The following DTNBP1 variants were observed in gnomAD, a reference collection of about 807,000 sequenced individuals.
DTNBP1 encodes dysbindin.
DTNBP1 carries 35 observed loss-of-function variants against 42.8 expected under a neutral mutation model. The ratio of observed to expected loss-of-function variants is 0.82; its 90% CI spans 0.63 to 1.09. DTNBP1 has a LOEUF of 1.09. DTNBP1 is among the 50% of genes least tolerant of loss of function. The probability of loss-of-function intolerance (pLI) is 0.00; values close to 1 mark genes in which losing one functional copy is unlikely to be tolerated. For missense variants in DTNBP1, 457 were observed against 424.2 expected (o/e 1.08, Z -0.68); for synonymous variants, 171 against 162.2 (o/e 1.05, Z -0.41).
At chr6:15,559,871 A>G (rs1433105235) in intron 7 of DTNBP1, among the ~76,000 whole-genome samples, 1 of 152,198 alleles carries the variant, frequency 6.6e-6, no homozygotes, top group Non-Finnish European at 1.5e-5. Context: ...TTTTGCAGGG[A>G]AAACACTCCC....
At chr6:15,599,244 T>C (rs1279037278) in intron 6 of DTNBP1, among the ~76,000 whole-genome samples, 1 of 152,228 alleles carries the variant, frequency 6.6e-6, no homozygotes, top group Non-Finnish European at 1.5e-5. Context: ...GGGATATTTA[T>C]TGAGTTCCTA....
intron 6 of DTNBP1, among the ~76,000 whole-genome samples, chr6:15,608,414 T>G (rs1402939781): frequency 2.0e-5 from 3 of 152,194 alleles, no homozygotes; most frequent in Non-Finnish European, 4.4e-5. Flanking sequence ...AGACAATGCA[T>G]TAGCTTCATT....
chr6:15,538,397 C>CTCTG (rs1561944182), intron 7 of DTNBP1, among the ~76,000 whole-genome samples: 1 of 152,320 alleles, frequency 6.6e-6, no homozygotes, highest in African/African-American at 2.4e-5. Context: ...GGTGCCTGAA[C>CTCTG]TCTGGCAATG....
intron 5 of DTNBP1, among the ~76,000 whole-genome samples, chr6:15,621,056 T>C (rs1759014815): frequency 6.6e-6 from 1 of 152,230 alleles, no homozygotes; most frequent in African/African-American, 2.4e-5. Flanking sequence ...ATGATCATGA[T>C]GTAAACAAGA....
At chr6:15,599,221 G>A (rs1359660160) in intron 6 of DTNBP1, among the ~76,000 whole-genome samples, 1 of 152,200 alleles carries the variant, frequency 6.6e-6, no homozygotes, top group African/African-American at 2.4e-5. Context: ...AAGGAAAGAT[G>A]AGACAGGGGT....
In DTNBP1 at chr6:15,531,140, C is replaced by T. The variant is rs370590836; in HGVS notation, c.667+2100G>A. ...TATAAGCAAGGAAGAGAGCCCTCATCAGAAACCGATCGCGCCAGCATGCTG... is the reference window on the plus strand; with the variant it reads ...TATAAGCAAGGAAGAGAGCCCTCATTAGAAACCGATCGCGCCAGCATGCTG... On this transcript the variant is annotated intron_variant, in intron 8 of 9. Coordinates refer to ENST00000344537, the MANE Select transcript of DTNBP1 (RefSeq NM_032122.5). 7.2e-5 allele frequency among the ~76,000 whole-genome samples: 11 copies of T among 152,302 alleles called. No homozygotes were observed. The East Asian group carries it at 2.1e-3, about 29-fold the overall frequency.
At position 15,587,671 on chromosome 6, in the gene DTNBP1, TGTGA is replaced by T. The variant is rs1776135474; in HGVS notation, c.511+5384_511+5387del. ...CTTTTCAAAAAATAGTTCTAAGGCT[TGTGA>T]GGGAGACTTCGGGCATGGTGCAGCC... On this transcript the variant is annotated intron_variant, in intron 7 of 9. Coordinates refer to ENST00000344537, the MANE Select transcript of DTNBP1 (RefSeq NM_032122.5). This position sits in a 1 kb window ranked among gnomAD's most constrained non-coding sequence, Gnocchi z 4.1. Among the ~76,000 whole-genome samples, 1 of 152,164 alleles carries T rather than the reference TGTGA, an allele frequency of 6.6e-6. No individual in the cohort carries two copies. Among genetic ancestry groups the T allele is most frequent in the Non-Finnish European group, 1.5e-5 (1 of 68,030 alleles).
At chr6:15,612,564 T>G (rs924317296) in intron 6 of DTNBP1, among the ~76,000 whole-genome samples, 1 of 152,254 alleles carries the variant, frequency 6.6e-6, no homozygotes, top group Non-Finnish European at 1.5e-5. Context: ...CATTTCTTTA[T>G]AGCTGCACAA....
chr6:15,531,534 A>G (rs1024432499), intron 8 of DTNBP1, among the ~76,000 whole-genome samples: 4 of 152,176 alleles, frequency 2.6e-5, no homozygotes, highest in African/African-American at 4.8e-5. Flanking sequence ...CCACACAACT[A>G]ACTGACTGCA....
intron 3 of DTNBP1, among the ~76,000 whole-genome samples, chr6:15,639,658 A>G (rs1487035179): frequency 6.6e-6 from 1 of 152,252 alleles, no homozygotes; most frequent in Non-Finnish European, 1.5e-5. Flanking sequence ...ATTAAAATCA[A>G]CAAGTATTTA....
At chr6:15,594,770 T>G (rs184524840) in intron 6 of DTNBP1, among the ~76,000 whole-genome samples, 1 of 152,216 alleles carries the variant, frequency 6.6e-6, no homozygotes, top group African/African-American at 2.4e-5. Context: ...ATTCTTTTTT[T>G]TTTTCTATGA....
At chr6:15,572,348 T>C (rs1216879907) in intron 7 of DTNBP1, among the ~76,000 whole-genome samples, 1 of 152,224 alleles carries the variant, frequency 6.6e-6, no homozygotes, top group Non-Finnish European at 1.5e-5. Context: ...CTTTCATGGT[T>C]GTAGCAGACT....
Position 15,662,849 on chromosome 6 carries a change from C to G in DTNBP1, c.21G>C (p.Glu7Asp). MLETLR[E>D]RLLSVQQDFT... ...AATCCTGCTGCACGCTCAGCAGCCG[C>G]TCGCGAAGGGTCTCCAGCATTGCCG... The change falls in exon 1 of 10, where the codon GAG becomes GAC. Residue 7 changes from glutamate (E) to aspartate (D), a missense_variant. By Grantham distance (45) the Glu-to-Asp change is conservative (BLOSUM62 2). Transcript: ENST00000344537. 1 of 1,609,168 alleles carries G rather than the reference C, an allele frequency of 6.2e-7. No homozygotes were observed. The highest frequency in any genetic ancestry group is 8.5e-7 in the Non-Finnish European group (1 of 1,179,556).
chr6:15,549,427 G>A (rs1774079315), intron 7 of DTNBP1, among the ~76,000 whole-genome samples: 3 of 147,878 alleles, frequency 2.0e-5, no homozygotes, highest in South Asian at 4.3e-4. Flanking sequence ...GGAGGCTGCA[G>A]TGAGCCGAGA....
At chr6:15,621,288 T>G (rs1428585219) in intron 5 of DTNBP1, among the ~76,000 whole-genome samples, 1 of 152,234 alleles carries the variant, frequency 6.6e-6, no homozygotes, top group Non-Finnish European at 1.5e-5. Context: ...TCTTTAATCT[T>G]TATCTGGACA....
At chr6:15,584,956 T>C (rs1453159702) in intron 7 of DTNBP1, among the ~76,000 whole-genome samples, 4 of 147,780 alleles carry the variant, frequency 2.7e-5, no homozygotes, top group Non-Finnish European at 6.0e-5. Flanking sequence ...AATATCCTTA[T>C]ATATGTATTT....
At chr6:15,569,710 C>T (rs1460652502) in intron 7 of DTNBP1, among the ~76,000 whole-genome samples, 1 of 152,182 alleles carries the variant, frequency 6.6e-6, no homozygotes, top group African/African-American at 2.4e-5. Context: ...AGTTTTCTCA[C>T]ACCTGCCAAG....
At chr6:15,551,255 G>C (rs950122266) in intron 7 of DTNBP1, among the ~76,000 whole-genome samples, 3 of 152,132 alleles carry the variant, frequency 2.0e-5, no homozygotes, top group Non-Finnish European at 4.4e-5. Context: ...CTTGGGACAA[G>C]GACGTGCAAA....
chr6:15,606,364 CTCAA>C (rs1375584934), intron 6 of DTNBP1, among the ~76,000 whole-genome samples: 1 of 152,186 alleles, frequency 6.6e-6, no homozygotes, highest in East Asian at 1.9e-4. Context: ...ACATCTGGGA[CTCAA>C]TCAGTTTGTT....
Sources: allele counts gnomAD v4.1 joint callset (sites outside exome capture counted in the v4.1 genomes callset), GRCh38; gene constraint gnomAD v4.1.1; non-coding constraint Gnocchi (gnomAD v3.1); transcripts MANE v1.5; gene names NCBI Gene and HGNC (gene_info 2026-07-23, HGNC 2026-07-21).